REV3L: variants seen among roughly 807,000 people sequenced by gnomAD.
REV3L encodes the protein DNA polymerase zeta catalytic subunit.
A neutral mutation model predicts 299.4 loss-of-function variants in REV3L; 69 were observed. The observed-to-expected ratio is 0.23, with a 90% CI of 0.19 to 0.28. The LOEUF is 0.28. REV3L is among the 10% of genes least tolerant of loss of function. REV3L has a pLI of 1.00. For synonymous variants in REV3L, 1,238 were observed against 1,271.4 expected, an observed-to-expected ratio of 0.97 and a Z score of 0.56; for missense variants, 3,128 against 3,693.8, an observed-to-expected ratio of 0.85 and a Z score of 3.97.
intron 16 of REV3L, chr6:111,361,424 A>C (rs1404251000): frequency 1.3e-5 from 2 of 150,644 alleles, no homozygotes; most frequent in Non-Finnish European, 3.0e-5. Context: ...ACACACAAAA[A>C]AAAAAACAAA....
chr6:111,325,306 A>C (rs1212132342), intron 25 of REV3L, among the ~76,000 whole-genome samples: 1 of 152,252 alleles, frequency 6.6e-6, no homozygotes, highest in Non-Finnish European at 1.5e-5. Context: ...ATTTAGTAGA[A>C]AACTGTCAAC....
At chr6:111,403,941 T>C (rs1291820014) in intron 4 of REV3L, among the ~76,000 whole-genome samples, 1 of 152,158 alleles carries the variant, frequency 6.6e-6, no homozygotes, top group Non-Finnish European at 1.5e-5. Flanking sequence ...TGAAATAGCC[T>C]TACTGCAGAT....
At chr6:111,335,420 G>A in intron 22 of REV3L, 49 bp downstream of exon 22, 2 of 1,566,160 alleles carry the variant, frequency 1.3e-6, no homozygotes, top group Non-Finnish European at 1.7e-6. Flanking sequence ...TCACAAAAGT[G>A]TATCACTCAT....
At position 111,310,079 on chromosome 6, in the gene REV3L, C is replaced by T. The variant is rs569959075; in HGVS notation, c.8816G>A (p.Arg2939Gln). ...ELTRKMLTYD[R>Q]RSEPQVGERV... The stretch of plus-strand genomic sequence containing the variant: ...CTCCCCAACCTGAGGCTCAGAGCGC[C>T]GGTCATAAGTCAGCATTTTCCTATT... Residue 2939 changes from arginine to glutamine, a missense_variant, in exon 30 of 32, where the codon CGG becomes CAG. Transcript: ENST00000368802. 4.8e-5 allele frequency: 74 copies of T among 1,557,462 alleles called. No homozygotes were observed. In the South Asian group the frequency reaches 7.5e-4, roughly 16 times the overall value.
At chr6:111,449,520 G>A (rs1174270330) in intron 1 of REV3L, among the ~76,000 whole-genome samples, 1 of 152,136 alleles carries the variant, frequency 6.6e-6, no homozygotes, top group Non-Finnish European at 1.5e-5. Context: ...ATGGGCAGAG[G>A]GAACAATCCC....
intron 9 of REV3L, 90 bp downstream of exon 9, chr6:111,387,675 A>T (rs1781482529): frequency 6.2e-6 from 8 of 1,294,984 alleles, no homozygotes; most frequent in Non-Finnish European, 8.6e-6. Flanking sequence ...CATAGGGAAA[A>T]AAATCCCTAG....
At chr6:111,432,602 T>C (rs1787070560) in intron 1 of REV3L, among the ~76,000 whole-genome samples, 2 of 152,186 alleles carry the variant, frequency 1.3e-5, no homozygotes, top group East Asian at 3.8e-4. Flanking sequence ...ACAGTAATAG[T>C]AGGGGACTTC....
intron 25 of REV3L, among the ~76,000 whole-genome samples, chr6:111,326,846 C>T (rs1478919608): frequency 6.6e-6 from 1 of 151,448 alleles, no homozygotes; most frequent in Non-Finnish European, 1.5e-5. Flanking sequence ...CATTTTTACT[C>T]TATTGGTGCT....
intron 1 of REV3L, among the ~76,000 whole-genome samples, chr6:111,436,324 C>T (rs552170086): frequency 3.8e-4 from 58 of 152,136 alleles, no homozygotes; most frequent in African/African-American, 1.2e-3. Context: ...CTCTGTACTC[C>T]CATGTTTATT....
chr6:111,392,913 C>T lies in REV3L; in HGVS notation c.625G>A (p.Asp209Asn). The T allele has an allele frequency of 6.2e-7, 1 of 1,612,836 alleles. No individual in the cohort carries two copies. Among genetic ancestry groups the T allele is most frequent in the Non-Finnish European group, 8.5e-7 (1 of 1,179,048 alleles). Residue 209 changes from aspartate (D) to asparagine (N), a missense_variant, in exon 5 of 32, where the codon GAT becomes AAT. This residue lies in a region of REV3L where 2,409 missense variants were observed against 2,611.8 expected (regional missense o/e 0.92). Transcript: ENST00000368802. ...TCTTGTTCCCACCGAAATAAAGTAT[C>T]AGCAAGAGAATTTCCTGATAAATGA... ...KNHLSGNSLA[D>N]TLFRWEQDEI...
At chr6:111,333,026 G>A (rs911353034) in intron 23 of REV3L, 97 bp downstream of exon 23, 3 of 1,392,224 alleles carry the variant, frequency 2.2e-6, no homozygotes, top group African/African-American at 2.9e-5. Context: ...TGCTCATAGG[G>A]AAGGTGTCCA....
chr6:111,411,366 G>A (rs970478793), intron 3 of REV3L, 114 bp downstream of exon 3: 8 of 684,554 alleles, frequency 1.2e-5, no homozygotes, highest in East Asian at 2.8e-5. Context: ...TGTATTTTAC[G>A]GTCTCTGTCT....
At chr6:111,381,267 C>T (rs1350855058) in intron 10 of REV3L, 58 bp downstream of exon 10, 1 of 1,578,060 alleles carries the variant, frequency 6.3e-7, no homozygotes, top group Non-Finnish European at 8.6e-7. Context: ...TGCCTCTTCA[C>T]AACACACATT....
chr6:111,334,973 C>A (rs578252586), intron 22 of REV3L, among the ~76,000 whole-genome samples: 1 of 152,178 alleles, frequency 6.6e-6, no homozygotes, highest in South Asian at 2.1e-4. Context: ...TCATTTTCAG[C>A]AAGGCGTTTA....
At chr6:111,414,445 C>T (rs1355465943) in intron 2 of REV3L, among the ~76,000 whole-genome samples, 1 of 151,980 alleles carries the variant, frequency 6.6e-6, no homozygotes, top group Non-Finnish European at 1.5e-5. Flanking sequence ...TAGGTTATGG[C>T]TAGAAGTTTA....
rs1426482836 is a variant in REV3L at position 111,313,346 on chromosome 6, C to T, written c.8604+6G>A. ...TACAGATGAAGACAAGATAGATAAACCTTACCTTAGAAACAGCAGGGCAGG... is the reference window on the plus strand; with the variant it reads ...TACAGATGAAGACAAGATAGATAAATCTTACCTTAGAAACAGCAGGGCAGG... On this transcript the variant is annotated splice_donor_region_variant and intron_variant, in intron 28 of 31. Transcript: ENST00000368802. The T allele has an allele frequency of 1.6e-5, 26 of 1,604,112 alleles. No individual in the cohort carries two copies. Among genetic ancestry groups the T allele is most frequent in the Non-Finnish European group, 2.1e-5 (25 of 1,177,368 alleles).
At chr6:111,430,547 G>A (rs1786777814) in intron 1 of REV3L, 22 of 1,571,308 alleles carry the variant, frequency 1.4e-5, no homozygotes, top group Admixed American at 1.7e-5. Flanking sequence ...AGAGCCTGAA[G>A]CAGAGCATAG....
At chr6:111,411,641 G>T in intron 2 of REV3L, 87 bp from the exon 3 acceptor site, 1 of 854,650 alleles carries the variant, frequency 1.2e-6, no homozygotes, top group Non-Finnish European at 1.8e-6. Context: ...GATTCAGCTG[G>T]CCAAATTCAG....
chr6:111,389,476 T>C (rs571896938), intron 6 of REV3L, among the ~76,000 whole-genome samples: 1 of 152,166 alleles, frequency 6.6e-6, no homozygotes, highest in African/African-American at 2.4e-5. Context: ...TGATATATAA[T>C]ATGAAAATTA....
Sources: allele counts gnomAD v4.1 joint callset (sites outside exome capture counted in the v4.1 genomes callset), GRCh38; gene constraint gnomAD v4.1.1; regional missense constraint gnomAD v4.1.1; transcripts MANE v1.5; gene names NCBI Gene and HGNC (gene_info 2026-07-23, HGNC 2026-07-21).